The following CSMD1 variants were observed in gnomAD, a reference collection of about 807,000 sequenced individuals.
CSMD1 encodes the protein CUB and Sushi multiple domains 1.
In CSMD1, 213 loss-of-function variants were observed where a neutral mutation model predicts 417.5. The ratio of observed to expected loss-of-function variants is 0.51; its 90% CI spans 0.46 to 0.57. CSMD1 has a LOEUF of 0.57. Ranked by LOEUF, CSMD1 falls within the 20% of genes least tolerant of loss-of-function variation. The pLI is 0.00. For synonymous variants in CSMD1, 2,862 were observed against 1,736.8 expected, an observed-to-expected ratio of 1.65 and a Z score of -16.11; for missense variants, 6,923 against 4,529.7, an observed-to-expected ratio of 1.53 and a Z score of -15.17.
At chr8:3,867,639 A>C (rs940693309) in intron 5 of CSMD1, among the ~76,000 whole-genome samples, 1 of 152,068 alleles carries the variant, frequency 6.6e-6, no homozygotes, top group African/African-American at 2.4e-5. Flanking sequence ...TTATATATCT[A>C]TATCTATGTA....
At chr8:3,261,852 C>T (rs79062142) in intron 26 of CSMD1, among the ~76,000 whole-genome samples, 5,581 of 152,086 alleles carry the variant, frequency 0.037, 131 homozygotes, top group Non-Finnish European at 0.057. Flanking sequence ...CGAAGGCATG[C>T]GGGCCGAGGT....
intron 3 of CSMD1, among the ~76,000 whole-genome samples, chr8:4,382,391 C>T (rs904056316): frequency 6.6e-6 from 1 of 152,172 alleles, no homozygotes; most frequent in Non-Finnish European, 1.5e-5. Context: ...CGGAGAGGAG[C>T]GCATGGTCAA....
intron 2 of CSMD1, among the ~76,000 whole-genome samples, chr8:4,596,179 C>A (rs1178997411): frequency 6.6e-6 from 1 of 152,060 alleles, no homozygotes; most frequent in Non-Finnish European, 1.5e-5. Flanking sequence ...AATATATACC[C>A]ACTGACATCA....
chr8:4,846,659 C>T (rs1315566597), intron 1 of CSMD1, among the ~76,000 whole-genome samples: 2 of 152,222 alleles, frequency 1.3e-5, no homozygotes, highest in African/African-American at 4.8e-5. Flanking sequence ...ACAACATGGA[C>T]TTGTAGACTA....
intron 2 of CSMD1, among the ~76,000 whole-genome samples, chr8:4,444,835 G>C (rs1050986720): frequency 3.3e-5 from 5 of 152,118 alleles, no homozygotes; most frequent in African/African-American, 1.2e-4. Context: ...AAGCCTTCAG[G>C]TGCAAATGAC....
intron 10 of CSMD1, among the ~76,000 whole-genome samples, chr8:3,517,628 T>C (rs968253458): frequency 4.6e-5 from 7 of 152,192 alleles, no homozygotes; most frequent in Non-Finnish European, 8.8e-5. Context: ...TACGATTTTT[T>C]TGGGGAAAAA....
intron 3 of CSMD1, among the ~76,000 whole-genome samples, chr8:4,116,644 C>T (rs1025512873): frequency 1.3e-5 from 2 of 150,120 alleles, no homozygotes; most frequent in African/African-American, 2.5e-5. Flanking sequence ...TGAACCCTAA[C>T]GTAAGCTGTA....
chr8:3,548,865 G>C (rs1195631347), intron 10 of CSMD1, among the ~76,000 whole-genome samples: 1 of 151,992 alleles, frequency 6.6e-6, no homozygotes, highest in African/African-American at 2.4e-5. Flanking sequence ...CCCTGGGCTG[G>C]GTCCCGCTCC....
At chr8:3,961,099 C>T (rs719648) in intron 5 of CSMD1, among the ~76,000 whole-genome samples, 18,109 of 152,108 alleles carry the variant, frequency 0.12, 1,156 homozygotes, top group Middle Eastern at 0.15. Flanking sequence ...GCTACAAAGT[C>T]TCCAAGAAGC....
At chr8:4,355,328 C>CAG (rs1210337149) in intron 3 of CSMD1, among the ~76,000 whole-genome samples, 1 of 151,618 alleles carries the variant, frequency 6.6e-6, no homozygotes, top group Non-Finnish European at 1.5e-5. Context: ...CACACACGCA[C>CAG]ACACACACAC....
intron 13 of CSMD1, 100 bp downstream of exon 13, chr8:3,409,323 G>T: frequency 8.8e-7 from 1 of 1,131,332 alleles, no homozygotes; most frequent in Admixed American, 3.1e-5. Flanking sequence ...CATTCTGAAA[G>T]CTGCCCTCCC....
chr8:3,582,575 C>T (rs897848887), intron 9 of CSMD1, among the ~76,000 whole-genome samples: 3 of 152,112 alleles, frequency 2.0e-5, no homozygotes, highest in African/African-American at 4.8e-5. Context: ...TCTAAACTTG[C>T]GCTGTCATAT....
intron 30 of CSMD1, 95 bp downstream of exon 30, chr8:3,214,402 G>C: frequency 1.9e-6 from 2 of 1,051,736 alleles, no homozygotes; most frequent in Non-Finnish European, 2.7e-6. Flanking sequence ...ACCGATGAGA[G>C]GAATACGTGT....
At chr8:4,309,572 C>G (rs764147776) in intron 3 of CSMD1, among the ~76,000 whole-genome samples, 4 of 152,096 alleles carry the variant, frequency 2.6e-5, no homozygotes, top group South Asian at 2.1e-4. Flanking sequence ...CAGCCAAACT[C>G]TCAGTTCATA....
intron 3 of CSMD1, among the ~76,000 whole-genome samples, chr8:4,143,903 T>G (rs1408155196): frequency 6.6e-6 from 1 of 151,106 alleles, no homozygotes; most frequent in Non-Finnish European, 1.5e-5. Flanking sequence ...CCTGGCTAAT[T>G]AAAGGCTGGG....
chr8:3,541,129 C>T (rs974818908), intron 10 of CSMD1, among the ~76,000 whole-genome samples: 2 of 152,120 alleles, frequency 1.3e-5, no homozygotes, highest in African/African-American at 4.8e-5. Flanking sequence ...GGAATCAACC[C>T]AAATGTCCAT....
Position 3,955,093 on chromosome 8 carries a change from G to A in CSMD1, c.818+42810C>T, listed in dbSNP as rs138492408. On this transcript the variant is annotated intron_variant, in intron 5 of 69. Transcript: ENST00000635120. ...AACCATCACCTGACATTTCTAGTGG[G>A]TGCGGGAAAGCCGTCTCCTGCCCCC... is the stretch of plus-strand genomic sequence containing the variant. Among the ~76,000 whole-genome samples the A allele has an allele frequency of 3.5e-3, 539 of 152,246 alleles. 2 individuals carry two copies. Among genetic ancestry groups the A allele is most frequent in the African/African-American group, 0.012 (485 of 41,562 alleles).
intron 5 of CSMD1, among the ~76,000 whole-genome samples, chr8:3,935,999 C>G (rs530482659): frequency 6.6e-6 from 1 of 151,966 alleles, no homozygotes; most frequent in African/African-American, 2.4e-5. Flanking sequence ...TCAGTGAATG[C>G]AAATGATAAG....
chr8:3,389,811 G>A (rs1006469287), intron 17 of CSMD1, among the ~76,000 whole-genome samples: 1 of 152,032 alleles, frequency 6.6e-6, no homozygotes, highest in African/African-American at 2.4e-5. Flanking sequence ...AAACTCTTAA[G>A]GTCACAATTG....
Sources: allele counts gnomAD v4.1 joint callset (sites outside exome capture counted in the v4.1 genomes callset), GRCh38; gene constraint gnomAD v4.1.1; transcripts MANE v1.5; gene names NCBI Gene and HGNC (gene_info 2026-07-23, HGNC 2026-07-21).